DMD: variants seen among roughly 807,000 people sequenced by gnomAD.
The protein encoded by DMD is mutant dystrophin.
A neutral mutation model predicts 330.1 loss-of-function variants in DMD; 63 were observed. That is an observed-to-expected ratio of 0.19 (90% confidence interval 0.16 to 0.24). DMD has a LOEUF of 0.24. DMD is among the 10% of genes least tolerant of loss of function. The probability of loss-of-function intolerance (pLI) is 1.00; values close to 1 mark genes in which losing one functional copy is unlikely to be tolerated. For missense variants in DMD, 3,344 were observed against 2,684.1 expected (o/e 1.25, Z -5.43); for synonymous variants, 1,223 against 959.8 (o/e 1.27, Z -5.07).
intron 1 of DMD, among the ~76,000 whole-genome samples, chrX:33,080,974 TCACACACACACACA>T (rs763162216): frequency 1.1e-4 from 10 of 92,704 alleles, no homozygotes; most frequent in African/African-American, 3.2e-4. Context: ...TTTATAAACA[TCACACACACACACA>T]CACACACACA....
At chrX:31,552,709 A>G (rs767008555) in intron 55 of DMD, among the ~76,000 whole-genome samples, 100 of 111,873 alleles carry the variant, frequency 8.9e-4, no homozygotes, top group African/African-American at 3.1e-3. Context: ...CTTGTCTGGA[A>G]CAAATTAAGA....
intron 47 of DMD, among the ~76,000 whole-genome samples, chrX:31,887,943 T>C (rs1238363533): frequency 3.6e-5 from 4 of 112,247 alleles, no homozygotes; most frequent in African/African-American, 1.3e-4. Flanking sequence ...GTAAATCTCC[T>C]AAAAACGCTT....
chrX:31,656,113 G>A (rs2080769383), intron 54 of DMD, among the ~76,000 whole-genome samples: 1 of 112,153 alleles, frequency 8.9e-6, no homozygotes, highest in African/African-American at 3.2e-5. Flanking sequence ...CTTGCAAAGA[G>A]TACATGTGAA....
At chrX:32,579,329 C>A (rs1234615035) in intron 13 of DMD, among the ~76,000 whole-genome samples, 1 of 111,957 alleles carries the variant, frequency 8.9e-6, no homozygotes, top group African/African-American at 3.2e-5. Context: ...CCTGTCTGAA[C>A]TCAAGGAATT....
In DMD at chrX:31,960,743, C is replaced by A. The variant is rs752165467; in HGVS notation, c.6614+7596G>T. On this transcript the variant is annotated intron_variant, in intron 45 of 78. Coordinates refer to ENST00000357033, the MANE Select transcript of DMD (RefSeq NM_004006.3). ...AGCTAGTCTGTTTCACTAGAACTAG[C>A]CAAGTTGAAAAAATAAAATATGACA... 9.8e-5 allele frequency among the ~76,000 whole-genome samples: 11 copies of A among 111,747 alleles called. No homozygotes were observed. The East Asian group carries it at 3.1e-3, about 31-fold the overall frequency.
intron 42 of DMD, among the ~76,000 whole-genome samples, chrX:32,290,352 C>T (rs979132389): frequency 1.9e-4 from 21 of 111,616 alleles, no homozygotes; most frequent in African/African-American, 6.8e-4. Flanking sequence ...CGGTATATAC[C>T]ACTAATTTGA....
At chrX:32,468,352 G>T (rs970473035) in intron 23 of DMD, 146 bp downstream of exon 23, 28 of 502,779 alleles carry the variant, frequency 5.6e-5, no homozygotes, top group Non-Finnish European at 9.1e-5. Context: ...GCCATCCTTT[G>T]TAAAAGACTC....
At chrX:32,848,691 C>T (rs1300397478) in intron 3 of DMD, among the ~76,000 whole-genome samples, 8 of 110,796 alleles carry the variant, frequency 7.2e-5, no homozygotes, top group African/African-American at 2.6e-4. Context: ...AAAAACAAGA[C>T]AAAAATGGGC....
chrX:31,868,290 C>T (rs942866303), intron 48 of DMD, among the ~76,000 whole-genome samples: 26 of 111,991 alleles, frequency 2.3e-4, no homozygotes, highest in Non-Finnish European at 4.1e-4. Flanking sequence ...TTGCTAAATA[C>T]AAGAAACGCC....
At chrX:32,738,286 C>A (rs1476652587) in intron 7 of DMD, among the ~76,000 whole-genome samples, 2 of 110,875 alleles carry the variant, frequency 1.8e-5, no homozygotes, top group Admixed American at 1.9e-4. Flanking sequence ...TCATCACTCC[C>A]TTATAAAGAA....
At chrX:31,992,222 T>C (rs990044210) in intron 44 of DMD, among the ~76,000 whole-genome samples, 1 of 111,893 alleles carries the variant, frequency 8.9e-6, no homozygotes, top group Admixed American at 9.5e-5. Flanking sequence ...GTGAAGGATT[T>C]ATGTTGGAAT....
At chrX:31,587,572 G>A (rs749269398) in intron 55 of DMD, among the ~76,000 whole-genome samples, 1 of 112,181 alleles carries the variant, frequency 8.9e-6, no homozygotes, top group Admixed American at 9.4e-5. Flanking sequence ...TGCTGGCAAA[G>A]CCAGTCAAGC....
intron 1 of DMD, among the ~76,000 whole-genome samples, chrX:33,337,636 A>G (rs2054273254): frequency 1.8e-5 from 2 of 112,211 alleles, no homozygotes; most frequent in Admixed American, 1.9e-4. Context: ...TGTATGCTTC[A>G]AGGTTAAAAA....
intron 7 of DMD, among the ~76,000 whole-genome samples, chrX:32,754,659 T>C (rs762921073): frequency 9.0e-6 from 1 of 111,701 alleles, no homozygotes; most frequent in Admixed American, 9.6e-5. Context: ...TTTAGATGAA[T>C]GAGTCAATAA....
Position 32,887,745 on chromosome X carries a change from C to CAAAAAAAAA in DMD, c.94-37934_94-37926dup, listed in dbSNP as rs771100080. On this transcript the variant is annotated intron_variant, in intron 2 of 78. Coordinates refer to ENST00000357033, the MANE Select transcript of DMD (RefSeq NM_004006.3). ...CCTGGGTGACAAAGCAAGACTGTCTCAAAAAAAAAAAAAAAAAAAAAAAAA... is the reference window on the plus strand; with the variant it reads ...CCTGGGTGACAAAGCAAGACTGTCTCAAAAAAAAAAAAAAAAAAAAAAAAAAAAAAAAAA... Among the ~76,000 whole-genome samples, 37 of 6,487 alleles carry CAAAAAAAAA rather than the reference C, an allele frequency of 5.7e-3. 4 individuals carry two copies. The highest frequency in any genetic ancestry group is 0.015 in the Admixed American group (4 of 275). The allele number at this position is 6,487 out of a possible 115,157, so 5.6% of individuals were successfully genotyped here. A position where few individuals can be genotyped will look rare whatever the true frequency, so the allele number is the denominator to read the frequency against.
intron 3 of DMD, among the ~76,000 whole-genome samples, chrX:32,845,238 T>G (rs1021448530): frequency 8.9e-6 from 1 of 111,833 alleles, no homozygotes; most frequent in African/African-American, 3.2e-5. Context: ...TAAAGGAGAT[T>G]TGACTCTAGC....
chrX:32,216,965 G>T lies in DMD; in HGVS notation c.6389C>A (p.Thr2130Lys). 1 of 1,206,049 alleles carries T rather than the reference G, an allele frequency of 8.3e-7. No homozygotes were observed. Among genetic ancestry groups the T allele is most frequent in the East Asian group, 3.0e-5 (1 of 33,682 alleles). ...LTEAEQFLRK[T>K]QIPENWEHAK... ...ATGTTCCCAATTCTCAGGAATTTGTGTCTTTCTGAGAAACTGTTCAGCTTC... is the reference window on the plus strand; with the variant it reads ...ATGTTCCCAATTCTCAGGAATTTGTTTCTTTCTGAGAAACTGTTCAGCTTC... The change falls in exon 44 of 79, where the codon ACA becomes AAA. Residue 2130 changes from threonine (T) to lysine (K), a missense_variant. Physicochemically the swap from Thr to Lys is moderately conservative, Grantham distance 78. Transcript: ENST00000357033.
At chrX:31,285,309 C>T (rs1216731240) in intron 62 of DMD, among the ~76,000 whole-genome samples, 1 of 112,211 alleles carries the variant, frequency 8.9e-6, no homozygotes, top group African/African-American at 3.2e-5. Flanking sequence ...GTTTTTAAAG[C>T]TTACCATATT....
intron 7 of DMD, among the ~76,000 whole-genome samples, chrX:32,771,740 T>C (rs757285034): frequency 6.4e-4 from 71 of 111,716 alleles, no homozygotes; most frequent in Non-Finnish European, 1.1e-3. Flanking sequence ...GTTGACTATT[T>C]TAATGCTAGA....
Sources: allele counts gnomAD v4.1 joint callset (sites outside exome capture counted in the v4.1 genomes callset), GRCh38; gene constraint gnomAD v4.1.1; transcripts MANE v1.5; gene names NCBI Gene and HGNC (gene_info 2026-07-23, HGNC 2026-07-21).